The following NALF1 variants were observed in gnomAD, a reference collection of about 807,000 sequenced individuals.
The protein encoded by NALF1 is NALCN channel auxiliary factor 1.
Under a neutral mutation model 48.4 loss-of-function variants are expected in NALF1, and 3 were observed. That is an observed-to-expected ratio of 0.06 (90% CI 0.03 to 0.16). The LOEUF (loss-of-function observed/expected upper bound fraction) is 0.16, where lower values mean the gene tolerates loss of function less well. Ranked by LOEUF, NALF1 falls within the 10% of genes least tolerant of loss-of-function variation. The probability of loss-of-function intolerance (pLI) is 1.00; values close to 1 mark genes in which losing one functional copy is unlikely to be tolerated. For missense variants in NALF1, 526 were observed against 571.5 expected (o/e 0.92, Z 0.81); for synonymous variants, 262 against 245.7 (o/e 1.07, Z -0.62).
intron 1 of NALF1, among the ~76,000 whole-genome samples, chr13:107,787,850 A>G (rs141996778): frequency 2.4e-3 from 366 of 152,286 alleles, no homozygotes; most frequent in African/African-American, 8.3e-3. Flanking sequence ...TGCAAATCCA[A>G]TCTTCCTAGG....
At chr13:107,814,281 T>C (rs1879097324) in intron 1 of NALF1, among the ~76,000 whole-genome samples, 1 of 152,126 alleles carries the variant, frequency 6.6e-6, no homozygotes, top group Non-Finnish European at 1.5e-5. Flanking sequence ...AATACCCCTA[T>C]CCATCATCCT....
At chr13:107,787,309 A>C (rs189521533) in intron 1 of NALF1, among the ~76,000 whole-genome samples, 1 of 152,070 alleles carries the variant, frequency 6.6e-6, no homozygotes, top group Admixed American at 6.5e-5. Context: ...AATTTTTCCA[A>C]TAATATGTTT....
chr13:107,213,163 T>G (rs1366087732), intron 1 of NALF1, among the ~76,000 whole-genome samples: 1 of 148,798 alleles, frequency 6.7e-6, no homozygotes, highest in African/African-American at 2.5e-5. Flanking sequence ...TGGGAACATA[T>G]CCATTTTTAT....
chr13:107,638,067 C>T (rs558043661), intron 1 of NALF1, among the ~76,000 whole-genome samples: 1 of 151,618 alleles, frequency 6.6e-6, no homozygotes, highest in Non-Finnish European at 1.5e-5. Flanking sequence ...CAACTTTCCT[C>T]ATAAGTGACA....
intron 1 of NALF1, among the ~76,000 whole-genome samples, chr13:107,426,943 C>A (rs1884290772): frequency 6.6e-6 from 1 of 151,734 alleles, no homozygotes; most frequent in Non-Finnish European, 1.5e-5. Context: ...TTGTAAAAAG[C>A]AAAAAGCTAA....
intron 1 of NALF1, among the ~76,000 whole-genome samples, chr13:107,743,894 C>T (rs918014539): frequency 6.6e-6 from 1 of 152,120 alleles, no homozygotes; most frequent in Admixed American, 6.5e-5. Context: ...TAAAGGTAAA[C>T]AGCATCATCA....
At chr13:107,203,476 G>A (rs1353486043) in intron 2 of NALF1, among the ~76,000 whole-genome samples, 3 of 152,198 alleles carry the variant, frequency 2.0e-5, no homozygotes, top group East Asian at 3.9e-4. Context: ...AGCAAAGGGT[G>A]ACTTTCCTTC....
intron 1 of NALF1, among the ~76,000 whole-genome samples, chr13:107,550,176 T>C (rs541902316): frequency 6.6e-6 from 1 of 152,204 alleles, no homozygotes; most frequent in African/African-American, 2.4e-5. Context: ...TCTTGGATAA[T>C]GATTCCTCTC....
chr13:107,174,790 T>G (rs116013548), intron 2 of NALF1, among the ~76,000 whole-genome samples: 1 of 152,034 alleles, frequency 6.6e-6, no homozygotes, highest in African/African-American at 2.4e-5. Flanking sequence ...AGTCTCAGCT[T>G]CAGGGTGGAG....
chr13:107,379,124 T>G lies in NALF1; in HGVS notation c.916-168369A>C, dbSNP rs999806323. 2.0e-5 allele frequency among the ~76,000 whole-genome samples: 3 copies of G among 152,192 alleles called. No homozygotes were observed. The East Asian group carries it at 5.8e-4, about 29-fold the overall frequency. On this transcript the variant is annotated intron_variant, in intron 1 of 2. Coordinates refer to ENST00000375915, the MANE Select transcript of NALF1 (RefSeq NM_001080396.3). ...CCCTTTAAAAGGAATCATTTTATCT[T>G]TATAGACCACCTTGCAAGTTACAGA...
Position 107,635,745 on chromosome 13 carries a change from C to T in NALF1, c.915+229937G>A, listed in dbSNP as rs375243459. On this transcript the variant is annotated intron_variant, in intron 1 of 2. Transcript: ENST00000375915. ...ATGGACGACACTTAGCCCCATAAGC[C>T]GCACATGACTGTTACTTAACGTTAG... Among the ~76,000 whole-genome samples, 160 of 152,180 alleles carry T rather than the reference C, an allele frequency of 1.1e-3. 1 individual carries two copies. The highest frequency in any genetic ancestry group is 1.9e-3 in the Non-Finnish European group (126 of 68,014).
intron 1 of NALF1, among the ~76,000 whole-genome samples, chr13:107,320,610 C>T (rs563960755): frequency 6.6e-6 from 1 of 152,048 alleles, no homozygotes; most frequent in African/African-American, 2.4e-5. Flanking sequence ...TCCATTATTA[C>T]TATTGAACGA....
intron 1 of NALF1, among the ~76,000 whole-genome samples, chr13:107,349,210 T>C (rs558077236): frequency 1.7e-4 from 26 of 152,336 alleles, no homozygotes; most frequent in African/African-American, 5.3e-4. Flanking sequence ...GAAAAATCGC[T>C]TCTTTCTTCA....
rs74114313 is a variant in NALF1, at chr13:107,866,938, T to C, written c.-342A>G. Among the ~76,000 whole-genome samples, 632 of 151,886 alleles carry C rather than the reference T, an allele frequency of 4.2e-3. 7 individuals are homozygous for C. Among genetic ancestry groups the C allele is most frequent in the African/African-American group, 0.014 (593 of 41,462 alleles). On this transcript the variant is annotated 5_prime_UTR_variant, in exon 1 of 3. Coordinates refer to ENST00000375915, the MANE Select transcript of NALF1 (RefSeq NM_001080396.3). This position sits in a 1 kb window ranked among gnomAD's most constrained non-coding sequence, Gnocchi z 4.4. The stretch of plus-strand genomic sequence containing the variant: ...AGAGAGAGACGGAGGAGGCTGGTGC[T>C]GGTGGCCGGCGGCGAGGCTGGGTGC...
At chr13:107,606,253 G>A (rs1458676385) in intron 1 of NALF1, among the ~76,000 whole-genome samples, 1 of 148,306 alleles carries the variant, frequency 6.7e-6, no homozygotes, top group Admixed American at 6.8e-5. Context: ...CCAATGTTGT[G>A]TTCCTTAACA....
At chr13:107,396,332 G>T (rs1366324510) in intron 1 of NALF1, among the ~76,000 whole-genome samples, 2 of 152,170 alleles carry the variant, frequency 1.3e-5, no homozygotes, top group African/African-American at 4.8e-5. Flanking sequence ...AGCGTTCTGT[G>T]TTCGCAAAAG....
chr13:107,394,033 T>C (rs1294216497), intron 1 of NALF1, among the ~76,000 whole-genome samples: 1 of 152,166 alleles, frequency 6.6e-6, no homozygotes, highest in African/African-American at 2.4e-5. Context: ...AAGTAAGTAA[T>C]CAACTGGAGG....
intron 2 of NALF1, among the ~76,000 whole-genome samples, chr13:107,182,513 G>A (rs1263449131): frequency 2.6e-5 from 4 of 151,992 alleles, no homozygotes; most frequent in Admixed American, 6.6e-5. Flanking sequence ...CAAGTGATCT[G>A]CCCACCTTGG....
chr13:107,723,621 T>C lies in NALF1; in HGVS notation c.915+142061A>G, dbSNP rs564845126. On this transcript the variant is annotated intron_variant, in intron 1 of 2. Transcript: ENST00000375915. ...GAATATTGCAGGCCAGTGCATACTA[T>C]ATACTGAAACAAGAAGTGTTTGATT... Among the ~76,000 whole-genome samples, 6 of 152,288 alleles carry C rather than the reference T, an allele frequency of 3.9e-5. 1 individual carries two copies. The South Asian group carries it at 6.2e-4, about 16-fold the overall frequency.
Sources: allele counts gnomAD v4.1 joint callset (sites outside exome capture counted in the v4.1 genomes callset), GRCh38; gene constraint gnomAD v4.1.1; non-coding constraint Gnocchi (gnomAD v3.1); transcripts MANE v1.5; gene names NCBI Gene and HGNC (gene_info 2026-07-23, HGNC 2026-07-21).